The following PRELID2 variants were observed in gnomAD, a reference collection of about 807,000 sequenced individuals.
PRELID2 encodes PRELI domain-containing protein 2.
A neutral mutation model predicts 28.4 loss-of-function variants in PRELID2; 25 were observed. The ratio of observed to expected loss-of-function variants is 0.88; its 90% CI spans 0.64 to 1.23. PRELID2 has a LOEUF of 1.23. Among genes scored for constraint, PRELID2 ranks in the 50% most tolerant of loss-of-function variants. The pLI, the probability that PRELID2 is intolerant of heterozygous loss-of-function variation, is 0.00. For synonymous variants in PRELID2, 76 were observed against 71.6 expected, an observed-to-expected ratio of 1.06 and a Z score of -0.31; for missense variants, 201 against 214.4, an observed-to-expected ratio of 0.94 and a Z score of 0.39.
chr5:145,280,142 G>A, the PRELID2 span, among the ~76,000 whole-genome samples: 1 of 152,070 alleles, frequency 6.6e-6, no homozygotes, highest in South Asian at 2.1e-4. Context: ...TAGGGTTCAG[G>A]GGAGCCATTA....
intron 1 of PRELID2, among the ~76,000 whole-genome samples, chr5:145,630,944 T>A (rs1379342628): frequency 6.6e-6 from 1 of 152,222 alleles, no homozygotes; most frequent in Non-Finnish European, 1.5e-5. Context: ...GTTCTGCCAC[T>A]GAGTACCATG....
chr5:145,693,509 C>T (rs896301907), intron 1 of PRELID2, among the ~76,000 whole-genome samples: 2 of 151,914 alleles, frequency 1.3e-5, no homozygotes, highest in African/African-American at 4.8e-5. Context: ...TGGCTCATAC[C>T]TATAATCCCA....
chr5:145,587,516 G>T (rs1490881340), intron 1 of PRELID2, among the ~76,000 whole-genome samples: 1 of 152,144 alleles, frequency 6.6e-6, no homozygotes, highest in African/African-American at 2.4e-5. Context: ...CTCTAACTTT[G>T]CAGGAGATAC....
At chr5:145,610,922 T>A (rs1753604219) in intron 1 of PRELID2, among the ~76,000 whole-genome samples, 1 of 150,752 alleles carries the variant, frequency 6.6e-6, no homozygotes, top group African/African-American at 2.4e-5. Context: ...TATTTAGCAG[T>A]GAACAAAAGA....
At chr5:145,481,878 A>G (rs1429023766) in intron 1 of PRELID2, among the ~76,000 whole-genome samples, 1 of 152,196 alleles carries the variant, frequency 6.6e-6, no homozygotes, top group Non-Finnish European at 1.5e-5. Context: ...TGTAATAGCT[A>G]GTAAAACCTA....
At position 145,757,886 on chromosome 5, in the gene PRELID2, C is replaced by T. The variant is rs540481372; in HGVS notation, c.*2650G>A. ...TGAAGCTGGAAGCAATAGCTGCCTGCAGGGGGAAAATTACTGAGTGAGGAA... is the reference window on the plus strand; with the variant it reads ...TGAAGCTGGAAGCAATAGCTGCCTGTAGGGGGAAAATTACTGAGTGAGGAA... On this transcript the variant is annotated 3_prime_UTR_variant, in exon 7 of 7. Transcript: ENST00000683046. Among the ~76,000 whole-genome samples the T allele has an allele frequency of 6.6e-6, 1 of 150,456 alleles. No homozygotes were observed. Among genetic ancestry groups the T allele is most frequent in the South Asian group, 2.1e-4 (1 of 4,754 alleles).
chr5:145,476,122 T>C (rs1231884054), intron 1 of PRELID2, among the ~76,000 whole-genome samples: 1 of 152,216 alleles, frequency 6.6e-6, no homozygotes, highest in African/African-American at 2.4e-5. Flanking sequence ...TCCAATTTAG[T>C]ATCTCTGAAC....
the PRELID2 span, among the ~76,000 whole-genome samples, chr5:145,340,770 CATATATATATATATATAT>C: frequency 8.6e-6 from 1 of 116,536 alleles, no homozygotes; most frequent in African/African-American, 3.1e-5. Flanking sequence ...TAAAAATATA[CATATATATATATATATAT>C]ATATATATAT....
chr5:145,681,163 C>T (rs968058463), intron 1 of PRELID2, among the ~76,000 whole-genome samples: 3 of 152,184 alleles, frequency 2.0e-5, no homozygotes, highest in African/African-American at 7.2e-5. Context: ...CCAGGGGCCA[C>T]TTCCAAAATC....
rs1172045407 is a variant in PRELID2 at position 145,758,105 on chromosome 5, T to C, written c.*2431A>G. 6.6e-6 allele frequency among the ~76,000 whole-genome samples: 1 copy of C among 152,186 alleles called. No individual in the cohort carries two copies. Among genetic ancestry groups the C allele is most frequent in the Non-Finnish European group, 1.5e-5 (1 of 68,040 alleles). On this transcript the variant is annotated 3_prime_UTR_variant, in exon 7 of 7. Transcript: ENST00000683046. ...ACTACTGGCTGGCAAACATGTTTTT[T>C]GTTTTGGCCAGCACAATGTTTTAAA...
At chr5:145,303,193 G>T in the PRELID2 span, among the ~76,000 whole-genome samples, 1 of 152,174 alleles carries the variant, frequency 6.6e-6, no homozygotes, top group African/African-American at 2.4e-5. Context: ...AAAAGTAGGA[G>T]AGTGATAAAA....
At chr5:145,744,828 C>G (rs1463732865) in intron 1 of PRELID2, among the ~76,000 whole-genome samples, 1 of 151,966 alleles carries the variant, frequency 6.6e-6, no homozygotes, top group African/African-American at 2.4e-5. Flanking sequence ...CAACGTTTCT[C>G]CAGCAAGGGT....
chr5:145,470,050 AG>A (rs1377475125), downstream of PRELID2, among the ~76,000 whole-genome samples: 1 of 152,170 alleles, frequency 6.6e-6, no homozygotes, highest in Non-Finnish European at 1.5e-5. Flanking sequence ...GAAGGGGAAA[AG>A]TTAAGTAAAC....
intron 1 of PRELID2, among the ~76,000 whole-genome samples, chr5:145,544,355 A>T (rs2126675036): frequency 6.6e-6 from 1 of 152,278 alleles, no homozygotes; most frequent in East Asian, 1.9e-4. Context: ...CATCAAACAA[A>T]CAAACTGCTG....
intron 1 of PRELID2, among the ~76,000 whole-genome samples, chr5:145,740,946 ATTTATC>A (rs1756694263): frequency 2.5e-5 from 1 of 40,234 alleles, no homozygotes; most frequent in Admixed American, 3.5e-4. Context: ...ATGTACATAT[ATTTATC>A]TATAAATAAA....
At chr5:145,469,877 A>G (rs1180030950), downstream of PRELID2, among the ~76,000 whole-genome samples, 2 of 152,142 alleles carry the variant, frequency 1.3e-5, no homozygotes, top group Non-Finnish European at 2.9e-5. Context: ...TCCCATCAGT[A>G]AATCTGCAAG....
In PRELID2 at chr5:145,604,914, TTA is replaced by T. The variant is rs199722985; in HGVS notation, n.71-131601_71-131600del. ...ATATATATATATATATTCTATTGAA[TTA>T]TATATATATATTCTTCTGTATATAT... On this transcript the variant is annotated intron_variant and non_coding_transcript_variant, in intron 1 of 2. Coordinates refer to the PRELID2 transcript ENST00000510259. 2.8e-3 allele frequency among the ~76,000 whole-genome samples: 398 copies of T among 141,278 alleles called. 3 individuals carry two copies. Among genetic ancestry groups the T allele is most frequent in the African/African-American group, 9.9e-3 (368 of 37,056 alleles). The allele number at this position is 141,278 out of a possible 152,430, so 92.7% of individuals were successfully genotyped here.
At chr5:145,465,402 C>T in the PRELID2 span, among the ~76,000 whole-genome samples, 3 of 152,046 alleles carry the variant, frequency 2.0e-5, no homozygotes, top group African/African-American at 7.2e-5. Flanking sequence ...AGTTGAGAAC[C>T]AGGCAATGAA....
At chr5:145,361,307 A>G in the PRELID2 span, among the ~76,000 whole-genome samples, 1 of 152,186 alleles carries the variant, frequency 6.6e-6, no homozygotes, top group Non-Finnish European at 1.5e-5. Flanking sequence ...AACCTTGCTA[A>G]GTGCTTTCTA....
Sources: allele counts gnomAD v4.1 joint callset (sites outside exome capture counted in the v4.1 genomes callset), GRCh38; gene constraint gnomAD v4.1.1; transcripts MANE v1.5; gene names NCBI Gene and HGNC (gene_info 2026-07-23, HGNC 2026-07-21).